The following PLEKHA7 variants were observed in gnomAD, a reference collection of about 807,000 sequenced individuals.
PLEKHA7 encodes the protein pleckstrin homology domain-containing family A member 7.
Under a neutral mutation model 170.0 loss-of-function variants are expected in PLEKHA7, and 104 were observed. The ratio of observed to expected loss-of-function variants is 0.61; its 90% CI spans 0.52 to 0.72. The LOEUF (loss-of-function observed/expected upper bound fraction) is 0.72. Among genes scored for constraint, PLEKHA7 ranks in the 30% least tolerant of loss-of-function variants. The pLI is 0.00. For missense variants in PLEKHA7, 1,615 were observed against 1,671.7 expected, an observed-to-expected ratio of 0.97 and a Z score of 0.59; for synonymous variants, 648 against 660.8, an observed-to-expected ratio of 0.98 and a Z score of 0.30.
intron 3 of PLEKHA7, among the ~76,000 whole-genome samples, chr11:16,982,780 T>TACACACACACACACACACACAC (rs35725815): frequency 8.0e-4 from 116 of 144,120 alleles, no homozygotes; most frequent in African/African-American, 2.9e-3. Context: ...CACTATCCCC[T>TACACACACACACACACACACAC]ACACACACAC....
At chr11:16,874,307 G>A (rs1855109249) in intron 3 of PLEKHA7, among the ~76,000 whole-genome samples, 1 of 152,098 alleles carries the variant, frequency 6.6e-6, no homozygotes, top group Non-Finnish European at 1.5e-5. Flanking sequence ...AGGAGTTTGA[G>A]TTCAACCTGG....
Position 16,777,370 on chromosome 11 carries a change from CA to C in PLEKHA7, c.*1627del, listed in dbSNP as rs1430403356. On this transcript the variant is annotated 3_prime_UTR_variant, in exon 27 of 27. Coordinates refer to ENST00000531066, the MANE Select transcript of PLEKHA7 (RefSeq NM_001329630.2). Reference sequence around the variant, plus strand: ...ACATTTTTAAATTAACTTTTTCTTGCAAAATATTCATTTCATTTTTTCCAAG... The same window carrying C: ...ACATTTTTAAATTAACTTTTTCTTGCAAATATTCATTTCATTTTTTCCAAG... 4 of 152,018 alleles carry C rather than the reference CA, an allele frequency of 2.6e-5. No homozygotes were observed. The highest frequency in any genetic ancestry group is 6.5e-5 in the Admixed American group (1 of 15,268). 9.4% of individuals were successfully genotyped at this position (152,018 alleles called of 1,614,324 possible).
intron 9 of PLEKHA7, among the ~76,000 whole-genome samples, chr11:16,836,873 G>A (rs1851555972): frequency 6.6e-6 from 1 of 151,846 alleles, no homozygotes; most frequent in Non-Finnish European, 1.5e-5. Context: ...GCCCAGGCTG[G>A]AATGCAATGG....
rs567250906 is a variant in PLEKHA7 at position 16,914,145 on chromosome 11, A to T, written c.222-42963T>A. Among the ~76,000 whole-genome samples, 47 of 151,786 alleles carry T rather than the reference A, an allele frequency of 3.1e-4. 1 individual carries two copies. In the South Asian group the frequency reaches 3.1e-3, roughly 10 times the overall value. ...TATCGTAAGTGCATAAAGCATATTTAAAAAAAAAGCTTATGTGCATTTGAA... is the reference window on the plus strand; with the variant it reads ...TATCGTAAGTGCATAAAGCATATTTTAAAAAAAAGCTTATGTGCATTTGAA... On this transcript the variant is annotated intron_variant, in intron 3 of 26. Transcript: ENST00000531066.
intron 3 of PLEKHA7, among the ~76,000 whole-genome samples, chr11:16,930,291 G>C (rs1859836820): frequency 6.6e-6 from 1 of 151,854 alleles, no homozygotes; most frequent in Admixed American, 6.6e-5. Flanking sequence ...TCTCAAAACA[G>C]TATAGGTAGA....
chr11:16,830,341 TA>T (rs1411943326), intron 9 of PLEKHA7, among the ~76,000 whole-genome samples: 1 of 152,166 alleles, frequency 6.6e-6, no homozygotes, highest in East Asian at 1.9e-4. Flanking sequence ...GTGCTGAGGC[TA>T]CTTCGGAGAT....
chr11:16,791,148 C>T lies in PLEKHA7; in HGVS notation c.2797G>A (p.Asp933Asn). ...AGAGGCGGCACAGCCGGGGGCTGGT[C>T]CTCTGGGCTGTAGAGTTCGGGGAGT... ...PPLPELYSPE[D>N]QPPAVPPLPR... Residue 933 changes from aspartate to asparagine, a missense_variant, in exon 20 of 27, where the codon GAC (aspartate) becomes AAC (asparagine). Coordinates refer to ENST00000531066, the MANE Select transcript of PLEKHA7 (RefSeq NM_001329630.2). This position sits in a 1 kb window ranked among gnomAD's most constrained non-coding sequence, Gnocchi z 4.5. The T allele has an allele frequency of 3.1e-6, 5 of 1,613,616 alleles. No individual in the cohort carries two copies. The highest frequency in any genetic ancestry group is 3.4e-6 in the Non-Finnish European group (4 of 1,179,762).
Position 16,930,002 on chromosome 11 carries a change from C to CA in PLEKHA7, c.222-58821dup, listed in dbSNP as rs564750187. Among the ~76,000 whole-genome samples the CA allele has an allele frequency of 2.3e-3, 340 of 148,066 alleles. 3 individuals carry two copies. Among genetic ancestry groups the CA allele is most frequent in the African/African-American group, 7.2e-3 (290 of 40,266 alleles). ...CTGGCAACAGAGTGAGACTCCGTCT[C>CA]AAAAAAAAATAAAAATAAAAATAAA... On this transcript the variant is annotated intron_variant, in intron 3 of 26. Coordinates refer to ENST00000531066, the MANE Select transcript of PLEKHA7 (RefSeq NM_001329630.2).
rs910704435 is a variant in PLEKHA7, at chr11:16,796,050, G to A, written c.2410-1032C>T. ...ATTCTTGTATTTTCAGTAGAGACGC[G>A]GTTTCACCACATTGGCCAGGCTGGT... On this transcript the variant is annotated intron_variant, in intron 17 of 26. Coordinates refer to ENST00000531066, the MANE Select transcript of PLEKHA7 (RefSeq NM_001329630.2). Among the ~76,000 whole-genome samples, 5 of 151,648 alleles carry A rather than the reference G, an allele frequency of 3.3e-5. 1 individual carries two copies. The highest frequency in any genetic ancestry group is 4.2e-4 in the South Asian group (2 of 4,800).
intron 3 of PLEKHA7, among the ~76,000 whole-genome samples, chr11:16,994,800 A>G (rs1864246552): frequency 6.6e-6 from 1 of 152,092 alleles, no homozygotes; most frequent in South Asian, 2.1e-4. Context: ...TCCCCTGGCC[A>G]GCCCTCCTCT....
intron 12 of PLEKHA7, among the ~76,000 whole-genome samples, chr11:16,815,447 G>T (rs372142169): frequency 2.0e-5 from 3 of 152,228 alleles, no homozygotes; most frequent in Admixed American, 2.0e-4. Flanking sequence ...ACAAATAAAG[G>T]CACTGGCAGT....
At chr11:16,877,514 T>C (rs909788996) in intron 3 of PLEKHA7, among the ~76,000 whole-genome samples, 1 of 152,240 alleles carries the variant, frequency 6.6e-6, no homozygotes, top group African/African-American at 2.4e-5. Context: ...GCTCACTTAA[T>C]GCAAAGCATC....
chr11:16,933,815 C>T (rs1314473590), intron 3 of PLEKHA7, among the ~76,000 whole-genome samples: 2 of 152,146 alleles, frequency 1.3e-5, no homozygotes, highest in Non-Finnish European at 2.9e-5. Flanking sequence ...GAGAAAGTGG[C>T]TCTCCCAGCT....
chr11:16,956,591 A>C (rs1157323659), intron 3 of PLEKHA7, among the ~76,000 whole-genome samples: 1 of 152,234 alleles, frequency 6.6e-6, no homozygotes, highest in African/African-American at 2.4e-5. Context: ...ATGCCACAGT[A>C]AGATTTAAAG....
In PLEKHA7 at chr11:16,817,217, G is replaced by A. The variant is rs766707833; in HGVS notation, c.1449C>T (p.Gly483=). Residue 483 remains glycine, a synonymous_variant, in exon 11 of 27, where the codon GGC becomes GGT. Transcript: ENST00000531066. This position sits in a 1 kb window ranked among gnomAD's most constrained non-coding sequence, Gnocchi z 4.4. ...LPKSTRHPSG[G]SSPPPRNLPS... is the part of the protein sequence containing the mutation. ...GCAGGTTTCGGGGAGGTGGCGAGGA[G>A]CCCCCCGAGGGGTGTCGGGTGCTCT... The A allele has an allele frequency of 3.7e-6, 6 of 1,614,034 alleles. No homozygotes were observed. The African/African-American group carries it at 6.7e-5, about 18-fold the overall frequency.
intron 26 of PLEKHA7, 107 bp from the exon 27 acceptor site, chr11:16,779,127 A>AG (rs1213941052): frequency 1.2e-5 from 8 of 691,616 alleles, no homozygotes; most frequent in African/African-American, 7.0e-5. Flanking sequence ...GCAGCAGAGC[A>AG]GGGGGCTCTG....
intron 13 of PLEKHA7, among the ~76,000 whole-genome samples, chr11:16,809,135 A>G (rs964966766): frequency 2.1e-4 from 32 of 152,216 alleles, no homozygotes; most frequent in African/African-American, 7.2e-4. Flanking sequence ...AAATGCCAGC[A>G]AAGTAAACAT....
At chr11:16,875,977 A>G in intron 3 of PLEKHA7, among the ~76,000 whole-genome samples, 1 of 152,088 alleles carries the variant, frequency 6.6e-6, no homozygotes, top group South Asian at 2.1e-4. Context: ...TTCCCCGCAC[A>G]CCACCACCCT....
Position 16,901,145 on chromosome 11 carries a change from C to T in PLEKHA7, c.222-29963G>A, listed in dbSNP as rs1428870761. ...TACAGGCATGAGCCACTGCACCCAG[C>T]CATGATGTTCTTTTTGTATGACCCA... On this transcript the variant is annotated intron_variant, in intron 3 of 26. Transcript: ENST00000531066. 2.0e-5 allele frequency among the ~76,000 whole-genome samples: 3 copies of T among 152,264 alleles called. No homozygotes were observed. In the East Asian group the frequency reaches 5.8e-4, roughly 29 times the overall value.
Sources: gnomAD v4.1 joint callset for allele counts (sites outside exome capture counted in the v4.1 genomes callset) on GRCh38, gnomAD v4.1.1 for gene constraint, Gnocchi (gnomAD v3.1) non-coding constraint, MANE v1.5 for transcripts, NCBI Gene and HGNC (gene_info 2026-07-23, HGNC 2026-07-21) for gene names.